Variants in LRRK1 observed in about 807,000 individuals in gnomAD.
LRRK1 encodes the protein leucine-rich repeat serine/threonine-protein kinase 1.
A neutral mutation model predicts 209.1 loss-of-function variants in LRRK1; 113 were observed. The ratio of observed to expected loss-of-function variants is 0.54; its 90% confidence interval spans 0.46 to 0.63. The LOEUF (loss-of-function observed/expected upper bound fraction) is 0.63. Ranked by LOEUF, LRRK1 falls within the 30% of genes least tolerant of loss-of-function variation. The probability of loss-of-function intolerance (pLI) is 0.00; values close to 1 mark genes in which losing one functional copy is unlikely to be tolerated. For synonymous variants in LRRK1, 1,144 were observed against 1,099.7 expected (o/e 1.04, Z -0.80); for missense variants, 2,284 against 2,632.2 (o/e 0.87, Z 2.89).
At chr15:101,044,790 A>T (rs1022227007) in intron 20 of LRRK1, among the ~76,000 whole-genome samples, 3 of 152,250 alleles carry the variant, frequency 2.0e-5, no homozygotes, top group Non-Finnish European at 4.4e-5. Context: ...GATGCATGAG[A>T]TGAAGTAGAA....
chr15:100,975,100 TG>T (rs1707084581), intron 3 of LRRK1, among the ~76,000 whole-genome samples: 1 of 152,200 alleles, frequency 6.6e-6, no homozygotes, highest in African/African-American at 2.4e-5. Context: ...TAGGAATTCA[TG>T]GTGGATATGG....
At chr15:100,990,225 A>G (rs1567218840) in intron 6 of LRRK1, among the ~76,000 whole-genome samples, 1 of 152,176 alleles carries the variant, frequency 6.6e-6, no homozygotes, top group Non-Finnish European at 1.5e-5. Context: ...GACTTCCTCT[A>G]GATCAGTTAT....
At chr15:100,963,710 C>A (rs181682902) in intron 2 of LRRK1, among the ~76,000 whole-genome samples, 1 of 152,160 alleles carries the variant, frequency 6.6e-6, no homozygotes, top group Non-Finnish European at 1.5e-5. Flanking sequence ...GAGAACAGGC[C>A]GACTTCCCGC....
At position 101,049,695 on chromosome 15, in the gene LRRK1, A is replaced by T; in HGVS notation, c.3351A>T (p.Lys1117Asn). Residue 1117 changes from lysine to asparagine, a missense_variant, in exon 23 of 34, where the codon AAA becomes AAT. By Grantham distance (94) the Lys-to-Asn change is moderately conservative. Coordinates refer to ENST00000388948, the MANE Select transcript of LRRK1 (RefSeq NM_024652.6). ...NWKKKKSGGM[K>N]IVCQSEVRDF... Reference sequence around the variant, plus strand: ...AAAAGAAGAAAAGCGGAGGAATGAAAATTGTTTGCCAATCAGAAGTGAGGG... The same window carrying T: ...AAAAGAAGAAAAGCGGAGGAATGAATATTGTTTGCCAATCAGAAGTGAGGG... The T allele has an allele frequency of 6.2e-7, 1 of 1,614,000 alleles. No homozygotes were observed. The highest frequency in any genetic ancestry group is 8.5e-7 in the Non-Finnish European group (1 of 1,179,960).
At chr15:101,057,770 G>A (rs2035895035) in intron 28 of LRRK1, among the ~76,000 whole-genome samples, 1 of 152,230 alleles carries the variant, frequency 6.6e-6, no homozygotes, top group Admixed American at 6.5e-5. Context: ...CAGCTAACCT[G>A]ACCAGATGAG....
At chr15:101,041,241 C>T (rs914073051) in intron 20 of LRRK1, among the ~76,000 whole-genome samples, 23 of 152,000 alleles carry the variant, frequency 1.5e-4, no homozygotes, top group African/African-American at 5.6e-4. Context: ...GGGTTTTTTC[C>T]CTATTCTTCT....
chr15:100,997,143 TATAAG>T (rs1300077344), intron 6 of LRRK1, among the ~76,000 whole-genome samples: 2 of 151,874 alleles, frequency 1.3e-5, no homozygotes, highest in Non-Finnish European at 2.9e-5. Context: ...TTATCCCAGT[TATAAG>T]AGGGAGATGA....
At chr15:100,937,737 G>A (rs1488393781) in intron 2 of LRRK1, among the ~76,000 whole-genome samples, 4 of 151,326 alleles carry the variant, frequency 2.6e-5, no homozygotes, top group South Asian at 2.1e-4. Context: ...GGGTTTCACC[G>A]TGTTAGCCAG....
chr15:100,940,204 GCTCTCT>G lies in LRRK1; in HGVS notation c.97+15487_97+15492del, dbSNP rs147527161. ...ATGCTTTTGTGTTCTCACATGTCCT[GCTCTCT>G]CTCTCTCTCTCATTTTGTTGTTGAT... On this transcript the variant is annotated intron_variant, in intron 2 of 33. Coordinates refer to ENST00000388948, the MANE Select transcript of LRRK1 (RefSeq NM_024652.6). 2.0e-5 allele frequency among the ~76,000 whole-genome samples: 3 copies of G among 150,022 alleles called. No individual in the cohort carries two copies. The East Asian group carries it at 5.8e-4, about 29-fold the overall frequency.
intron 10 of LRRK1, among the ~76,000 whole-genome samples, chr15:101,013,063 T>C (rs2033349067): frequency 6.6e-6 from 1 of 151,782 alleles, no homozygotes; most frequent in African/African-American, 2.4e-5. Flanking sequence ...AAGCAGCAAA[T>C]CAGGAGAGGC....
chr15:100,939,879 G>A (rs2042368767), intron 2 of LRRK1, among the ~76,000 whole-genome samples: 1 of 151,984 alleles, frequency 6.6e-6, no homozygotes, highest in Admixed American at 6.6e-5. Context: ...ATGAAGGTGG[G>A]GTTTTTTTTC....
intron 1 of LRRK1, among the ~76,000 whole-genome samples, chr15:100,922,007 C>T (rs1263144164): frequency 2.6e-5 from 4 of 152,170 alleles, no homozygotes; most frequent in African/African-American, 9.7e-5. Flanking sequence ...CGTGAACCAC[C>T]GCACCCATCT....
At chr15:101,060,776 G>GCCC (rs143606928) in intron 29 of LRRK1, among the ~76,000 whole-genome samples, 1 of 152,084 alleles carries the variant, frequency 6.6e-6, no homozygotes. Context: ...CATTTTGAGT[G>GCCC]CCCCCCCGCC....
chr15:101,031,607 C>G (rs1271119261), intron 20 of LRRK1, among the ~76,000 whole-genome samples: 1 of 152,158 alleles, frequency 6.6e-6, no homozygotes, highest in Non-Finnish European at 1.5e-5. Flanking sequence ...TTTCATTTCT[C>G]TTGGATCAAA....
At chr15:101,046,254 G>A in intron 21 of LRRK1, 102 bp downstream of exon 21, 1 of 1,286,134 alleles carries the variant, frequency 7.8e-7, no homozygotes, top group Non-Finnish European at 1.1e-6. Flanking sequence ...CCTGCCTGGA[G>A]ACCCTTCTCC....
At chr15:101,047,196 G>A (rs532882659) in intron 21 of LRRK1, among the ~76,000 whole-genome samples, 16 of 152,284 alleles carry the variant, frequency 1.1e-4, no homozygotes, top group African/African-American at 3.9e-4. Flanking sequence ...TAACTTCTTA[G>A]CTCTATAAAA....
chr15:101,047,568 G>A (rs1053766298), intron 21 of LRRK1, among the ~76,000 whole-genome samples: 2 of 152,216 alleles, frequency 1.3e-5, no homozygotes, highest in African/African-American at 2.4e-5. Context: ...AAATTCAGAT[G>A]GGTGACAGGA....
At position 101,027,584 on chromosome 15, in the gene LRRK1, T is replaced by G. The variant is rs1596294776; in HGVS notation, c.2527-54T>G. The G allele has an allele frequency of 4.4e-6, 7 of 1,586,160 alleles. No individual in the cohort carries two copies. In the East Asian group the frequency reaches 1.4e-4, roughly 31 times the overall value. ...GGGGCCGGGCAGGATCTGCCCAAGC[T>G]GGCAGGTGTGCCTTGGGACCTGAGA... On this transcript the variant is annotated intron_variant, in intron 18 of 33. Transcript: ENST00000388948. This position sits in a 1 kb window ranked among gnomAD's most constrained non-coding sequence, Gnocchi z 5.1.
chr15:100,995,078 C>T (rs11247248), intron 6 of LRRK1, among the ~76,000 whole-genome samples: 7,006 of 152,202 alleles, frequency 0.046, 541 homozygotes, highest in African/African-American at 0.16. Flanking sequence ...AGTAACGGTC[C>T]CTTCAGGGCA....
Sources: gnomAD v4.1 joint callset for allele counts (sites outside exome capture counted in the v4.1 genomes callset) on GRCh38, gnomAD v4.1.1 for gene constraint, Gnocchi (gnomAD v3.1) non-coding constraint, MANE v1.5 for transcripts, NCBI Gene and HGNC (gene_info 2026-07-23, HGNC 2026-07-21) for gene names.